The following GLP1R variants were observed in gnomAD, a reference collection of about 807,000 sequenced individuals.
The protein encoded by GLP1R is glucagon like peptide 1 receptor.
In GLP1R, 32 loss-of-function variants were observed where a neutral mutation model predicts 68.4. The ratio of observed to expected loss-of-function variants is 0.47; its 90% CI spans 0.35 to 0.63. The LOEUF (loss-of-function observed/expected upper bound fraction) is 0.63, where lower values mean the gene tolerates loss of function less well. Ranked by LOEUF, GLP1R falls within the 20% of genes least tolerant of loss-of-function variation. The pLI is 0.00. For synonymous variants in GLP1R, 263 were observed against 244.4 expected (o/e 1.08, Z -0.71); for missense variants, 502 against 594.9 (o/e 0.84, Z 1.62).
In GLP1R at chr6:39,088,571, A is replaced by G. The variant is rs1266241132; in HGVS notation, c.*2498A>G. 6.6e-6 allele frequency among the ~76,000 whole-genome samples: 1 copy of G among 152,190 alleles called. No individual in the cohort carries two copies. The highest frequency in any genetic ancestry group is 1.5e-5 in the Non-Finnish European group (1 of 68,032). On this transcript the variant is annotated 3_prime_UTR_variant, in exon 13 of 13. Transcript: ENST00000373256. ...CCACAAGGTCTGATGTCTGTTGTGA[A>G]CAGCAGCTGACTTCAGCACTCTGGC...
rs1768044404 is a variant in GLP1R at position 39,049,836 on chromosome 6, T to G, written c.78+918T>G. Reference sequence around the variant, plus strand: ...TTTGAAGAGGGGAGCTGTCCAAAGATGCTGGGACTTGCTTGAGCAGAGAGG... The same window carrying G: ...TTTGAAGAGGGGAGCTGTCCAAAGAGGCTGGGACTTGCTTGAGCAGAGAGG... On this transcript the variant is annotated intron_variant, in intron 1 of 12. Coordinates refer to ENST00000373256, the MANE Select transcript of GLP1R (RefSeq NM_002062.5). This position sits in a 1 kb window ranked among gnomAD's most constrained non-coding sequence, Gnocchi z 4.5. 6.6e-6 allele frequency among the ~76,000 whole-genome samples: 1 copy of G among 152,162 alleles called. No homozygotes were observed. Among genetic ancestry groups the G allele is most frequent in the African/African-American group, 2.4e-5 (1 of 41,436 alleles).
At chr6:39,068,161 G>C (rs750387584) in intron 5 of GLP1R, among the ~76,000 whole-genome samples, 16 of 152,242 alleles carry the variant, frequency 1.1e-4, no homozygotes, top group Middle Eastern at 3.4e-3. Flanking sequence ...GAAGAAAGGG[G>C]TAACTGGTCC....
In GLP1R at chr6:39,080,671, C is replaced by T. The variant is rs770873520; in HGVS notation, c.1183-27C>T. 4 of 1,561,070 alleles carry T rather than the reference C, an allele frequency of 2.6e-6. No individual in the cohort carries two copies. In the South Asian group the frequency reaches 4.6e-5, roughly 18 times the overall value. Reference sequence around the variant, plus strand: ...GCAGGGCACCTCCCTCCTGCTTCCTCCCTCTTGATGTGACTCTTGTTTCCA... The same window carrying T: ...GCAGGGCACCTCCCTCCTGCTTCCTTCCTCTTGATGTGACTCTTGTTTCCA... On this transcript the variant is annotated intron_variant, in intron 11 of 12. Coordinates refer to ENST00000373256, the MANE Select transcript of GLP1R (RefSeq NM_002062.5).
intron 1 of GLP1R, among the ~76,000 whole-genome samples, chr6:39,055,526 G>T (rs10305430): frequency 6.6e-6 from 1 of 152,272 alleles, no homozygotes; most frequent in African/African-American, 2.4e-5. Flanking sequence ...AAGCCATTTC[G>T]GTGACCTCAC....
intron 1 of GLP1R, among the ~76,000 whole-genome samples, chr6:39,055,717 G>A (rs1276985798): frequency 6.8e-6 from 1 of 146,402 alleles, no homozygotes; most frequent in Non-Finnish European, 1.5e-5. Context: ...AGGGGAGCAC[G>A]GGGAGGGGGT....
intron 3 of GLP1R, among the ~76,000 whole-genome samples, chr6:39,058,727 C>T (rs946677084): frequency 2.6e-5 from 4 of 152,168 alleles, no homozygotes; most frequent in African/African-American, 9.7e-5. Context: ...TACTGTGTGC[C>T]AAGTCCTGCC....
intron 12 of GLP1R, 54 bp from the exon 13 acceptor site, chr6:39,085,852 T>C (rs1217508989): frequency 3.9e-6 from 6 of 1,552,972 alleles, no homozygotes; most frequent in Admixed American, 1.7e-5. Flanking sequence ...GGGGCCATTT[T>C]GTTAGCCATT....
intron 3 of GLP1R, among the ~76,000 whole-genome samples, chr6:39,060,677 C>G (rs1375762193): frequency 2.0e-5 from 3 of 152,212 alleles, no homozygotes; most frequent in Non-Finnish European, 4.4e-5. Flanking sequence ...CTCCCACTGG[C>G]CCAACCCAAC....
rs772007114 is a variant in GLP1R at position 39,066,185 on chromosome 6, C to T, written c.403-12C>T. 11 of 1,467,818 alleles carry T rather than the reference C, an allele frequency of 7.5e-6. No homozygotes were observed. Among genetic ancestry groups the T allele is most frequent in the South Asian group, 2.3e-5 (2 of 87,292 alleles). 90.9% of individuals were successfully genotyped at this position (1,467,818 alleles called of 1,614,324 possible). On this transcript the variant is annotated splice_polypyrimidine_tract_variant and intron_variant, in intron 4 of 12. Coordinates refer to ENST00000373256, the MANE Select transcript of GLP1R (RefSeq NM_002062.5). ...GCTGCCCATGTACACGTATGTCCCC[C>T]GTGTGCCACAGAGCTCCCCGGAGGA...
At chr6:39,082,630 C>T (rs559263508) in intron 12 of GLP1R, among the ~76,000 whole-genome samples, 53 of 152,258 alleles carry the variant, frequency 3.5e-4, no homozygotes, top group South Asian at 1.9e-3. Flanking sequence ...CTGATGCAAA[C>T]GAGGAAGTGC....
rs774357734 is a variant in GLP1R at position 39,057,495 on chromosome 6, G to A, written c.199G>A (p.Asp67Asn). ...AGACTTGTTCTGCAACCGGACCTTCGATGAATACGCCTGCTGGCCAGATGG... is the reference window on the plus strand; with the variant it reads ...AGACTTGTTCTGCAACCGGACCTTCAATGAATACGCCTGCTGGCCAGATGG... ...ATDLFCNRTFDEYACWPDGEP... is the reference protein window; with the variant it reads ...ATDLFCNRTFNEYACWPDGEP... The change falls in exon 3 of 13, where the codon GAT becomes AAT. Residue 67 changes from aspartate (D) to asparagine (N), a missense_variant. Asp to Asn is a conservative substitution (Grantham distance 23, BLOSUM62 1). Coordinates refer to ENST00000373256, the MANE Select transcript of GLP1R (RefSeq NM_002062.5). 1.4e-5 allele frequency: 23 copies of A among 1,613,274 alleles called. No individual in the cohort carries two copies. Among genetic ancestry groups the A allele is most frequent in the East Asian group, 2.2e-5 (1 of 44,866 alleles).
In GLP1R at chr6:39,090,767, A is replaced by C. The variant is rs1251933865; in HGVS notation, c.*4694A>C. Among the ~76,000 whole-genome samples the C allele has an allele frequency of 2.0e-5, 3 of 152,174 alleles. No homozygotes were observed. The highest frequency in any genetic ancestry group is 4.4e-5 in the Non-Finnish European group (3 of 68,020). On this transcript the variant is annotated 3_prime_UTR_variant, in exon 13 of 13. Coordinates refer to ENST00000373256, the MANE Select transcript of GLP1R (RefSeq NM_002062.5). The stretch of plus-strand genomic sequence containing the variant: ...ATTCAGGACAAGAAAAACATATCTA[A>C]ATGAGAATGTTTAGATGTGGTGAGA...
intron 12 of GLP1R, among the ~76,000 whole-genome samples, chr6:39,082,518 C>T (rs1429103685): frequency 4.6e-5 from 7 of 152,158 alleles, no homozygotes; most frequent in African/African-American, 7.2e-5. Flanking sequence ...GAGGACCCAG[C>T]GGCTCCGTTT....
intron 1 of GLP1R, 27 bp downstream of exon 1, chr6:39,048,945 C>T (rs201005322): frequency 1.2e-5 from 12 of 974,286 alleles, no homozygotes; most frequent in African/African-American, 1.7e-5. Flanking sequence ...CCGACGACAC[C>T]GGGGGAGGCG....
chr6:39,080,993 A>G (rs865800163), intron 12 of GLP1R, among the ~76,000 whole-genome samples: 5 of 151,734 alleles, frequency 3.3e-5, no homozygotes, highest in Non-Finnish European at 7.4e-5. Context: ...GAAGACCCAG[A>G]CTCATGTTAA....
In GLP1R at chr6:39,090,339, A is replaced by G. The variant is rs1481232346; in HGVS notation, c.*4266A>G. On this transcript the variant is annotated 3_prime_UTR_variant, in exon 13 of 13. Transcript: ENST00000373256. ...TCTCTTGGAATATATATGTATCTGA[A>G]TCTCTCAGAGGAGAGAGTTTTCTCT... 2.6e-5 allele frequency among the ~76,000 whole-genome samples: 4 copies of G among 152,268 alleles called. No homozygotes were observed. In the East Asian group the frequency reaches 7.7e-4, roughly 29 times the overall value.
At position 39,048,855 on chromosome 6, in the gene GLP1R, C is replaced by CG; in HGVS notation, c.17dup (p.Leu8AlafsTer45). The stretch of plus-strand genomic sequence containing the variant: ...AACTCCCCGCCATGGCCGGCGCCCC[C>CG]GGCCCGCTGCGCCTTGCGCTGCTGC... On this transcript the variant is annotated frameshift_variant, in exon 1 of 13. Coordinates refer to ENST00000373256, the MANE Select transcript of GLP1R (RefSeq NM_002062.5). LOFTEE classifies it high-confidence loss of function. 6.7e-7 allele frequency: 1 copy of CG among 1,490,378 alleles called. No individual in the cohort carries two copies. Among genetic ancestry groups the CG allele is most frequent in the Non-Finnish European group, 8.9e-7 (1 of 1,120,360 alleles). The allele number at this position is 1,490,378 out of a possible 1,614,324, so 92.3% of individuals were successfully genotyped here. A position where few individuals can be genotyped will look rare whatever the true frequency, so the allele number is the denominator to read the frequency against.
intron 1 of GLP1R, 149 bp from the exon 2 acceptor site, chr6:39,056,248 C>T: frequency 1.8e-6 from 1 of 556,918 alleles, no homozygotes; most frequent in East Asian, 2.9e-5. Flanking sequence ...GTGACTTATT[C>T]TCACTCTCTT....
chr6:39,080,646 G>A, intron 11 of GLP1R, 52 bp from the exon 12 acceptor site: 7 of 1,350,682 alleles, frequency 5.2e-6, no homozygotes, highest in Middle Eastern at 2.1e-4. Context: ...GGGCCAGTCT[G>A]CAGGGCACCT....
Sources: allele counts gnomAD v4.1 joint callset (sites outside exome capture counted in the v4.1 genomes callset), GRCh38; gene constraint gnomAD v4.1.1; non-coding constraint Gnocchi (gnomAD v3.1); transcripts MANE v1.5; gene names NCBI Gene and HGNC (gene_info 2026-07-23, HGNC 2026-07-21).